The following SORCS2 variants were observed in gnomAD, a reference collection of about 807,000 sequenced individuals.
The protein encoded by SORCS2 is VPS10 domain-containing receptor SorCS2.
SORCS2 carries 100 observed loss-of-function variants against 141.6 expected under a neutral mutation model. The ratio of observed to expected loss-of-function variants is 0.71; its 90% CI spans 0.60 to 0.83. The LOEUF (loss-of-function observed/expected upper bound fraction) is 0.83, where lower values mean the gene tolerates loss of function less well. Among genes scored for constraint, SORCS2 ranks in the 40% least tolerant of loss-of-function variants. SORCS2 has a pLI of 0.00. For missense variants in SORCS2, 1,646 were observed against 1,560.2 expected, an observed-to-expected ratio of 1.05 and a Z score of -0.93; for synonymous variants, 789 against 676.9, an observed-to-expected ratio of 1.17 and a Z score of -2.57.
intron 3 of SORCS2, among the ~76,000 whole-genome samples, chr4:7,556,623 T>G (rs1487766922): frequency 6.6e-6 from 1 of 152,084 alleles, no homozygotes; most frequent in Admixed American, 6.6e-5. Flanking sequence ...GTAACTAGGA[T>G]CTAGATTTTT....
chr4:7,725,125 C>G, intron 19 of SORCS2, 29 bp from the exon 20 acceptor site: 1 of 1,608,184 alleles, frequency 6.2e-7, no homozygotes, highest in Non-Finnish European at 8.5e-7. Flanking sequence ...CTGATATCAT[C>G]TAACCCTGGC....
Position 7,718,097 on chromosome 4 carries a change from C to T in SORCS2, c.2338C>T (p.Pro780Ser). 2 of 1,611,814 alleles carry T rather than the reference C, an allele frequency of 1.2e-6. No homozygotes were observed. Among genetic ancestry groups the T allele is most frequent in the Non-Finnish European group, 1.7e-6 (2 of 1,179,138 alleles). The change falls in exon 18 of 27, where the codon CCC (proline) becomes TCC (serine). Residue 780 changes from proline (P) to serine (S), a missense_variant. Coordinates refer to ENST00000507866, the MANE Select transcript of SORCS2 (RefSeq NM_020777.3). ...GCAGCTGCAGTGCCCCCTCACGCCG[C>T]CCCGGGGCCTGCAGGTCAGCATTCA... Reference protein sequence around the residue: ...QVQLQCPLTPPRGLQVSIQGE... With the variant: ...QVQLQCPLTPSRGLQVSIQGE...
intron 2 of SORCS2, among the ~76,000 whole-genome samples, chr4:7,417,302 G>A (rs1007647399): frequency 1.8e-4 from 28 of 152,278 alleles, no homozygotes; most frequent in African/African-American, 6.5e-4. Flanking sequence ...GCGCCAGGAA[G>A]CCCAAGTCCT....
At chr4:7,731,446 C>T (rs1187755393) in intron 23 of SORCS2, among the ~76,000 whole-genome samples, 1 of 151,928 alleles carries the variant, frequency 6.6e-6, no homozygotes, top group Non-Finnish European at 1.5e-5. Flanking sequence ...TGATGTTTTT[C>T]ACAGAAATAG....
At chr4:7,236,104 C>T (rs1346377391) in intron 1 of SORCS2, among the ~76,000 whole-genome samples, 4 of 152,192 alleles carry the variant, frequency 2.6e-5, no homozygotes, top group South Asian at 4.1e-4. Flanking sequence ...GACACTTGCA[C>T]GTATGGACGT....
intron 2 of SORCS2, among the ~76,000 whole-genome samples, chr4:7,435,217 G>A (rs1474037053): frequency 6.6e-6 from 1 of 152,152 alleles, no homozygotes; most frequent in Admixed American, 6.5e-5. Context: ...TAGTTCCTGG[G>A]GTTCCCTTCC....
chr4:7,724,163 ATGG>A (rs1046245148), intron 19 of SORCS2, among the ~76,000 whole-genome samples: 28 of 124,344 alleles, frequency 2.3e-4, no homozygotes, highest in African/African-American at 6.5e-4. Context: ...GGTGGTGGTG[ATGG>A]TGGTGATGGT....
chr4:7,375,224 G>A (rs1722561014), intron 1 of SORCS2, among the ~76,000 whole-genome samples: 1 of 152,172 alleles, frequency 6.6e-6, no homozygotes, highest in South Asian at 2.1e-4. Context: ...CAGAACCTCT[G>A]TGTCCTTTCC....
chr4:7,687,055 A>T (rs978038950), intron 10 of SORCS2, among the ~76,000 whole-genome samples: 1 of 152,168 alleles, frequency 6.6e-6, no homozygotes, highest in Admixed American at 6.5e-5. Context: ...ATTCAACTCT[A>T]ACCACTGTGC....
At chr4:7,220,294 T>C (rs1728629152) in intron 1 of SORCS2, among the ~76,000 whole-genome samples, 1 of 152,050 alleles carries the variant, frequency 6.6e-6, no homozygotes, top group African/African-American at 2.4e-5. Context: ...GGCCACCCTC[T>C]CTCTAGTGTG....
rs745730496 is a variant in SORCS2, at chr4:7,633,791, T to A, written c.649-4537T>A. 2.0e-4 allele frequency among the ~76,000 whole-genome samples: 12 copies of A among 59,466 alleles called. 1 individual carries two copies. Among genetic ancestry groups the A allele is most frequent in the Non-Finnish European group, 3.0e-4 (6 of 19,862 alleles). The allele number at this position is 59,466 out of a possible 152,430, so 39.0% of individuals were successfully genotyped here. On this transcript the variant is annotated intron_variant, in intron 3 of 26. Coordinates refer to ENST00000507866, the MANE Select transcript of SORCS2 (RefSeq NM_020777.3). ...ACTCATTCCTGCATGCGCTCCTTCA[T>A]GTGTCCGTCAGGCGGGATTAACGGC...
chr4:7,481,496 G>C (rs1024309297), intron 2 of SORCS2, among the ~76,000 whole-genome samples: 22 of 152,334 alleles, frequency 1.4e-4, no homozygotes, highest in African/African-American at 5.3e-4. Context: ...TGTGGAGTCG[G>C]CATCCGGCAG....
intron 2 of SORCS2, chr4:7,434,406 G>C: frequency 2.5e-6 from 4 of 1,608,244 alleles, no homozygotes; most frequent in Non-Finnish European, 3.4e-6. Flanking sequence ...CAGCCTCAAA[G>C]GTGTCCTCTT....
At chr4:7,652,418 T>C (rs1010753807) in intron 4 of SORCS2, among the ~76,000 whole-genome samples, 1 of 151,950 alleles carries the variant, frequency 6.6e-6, no homozygotes, top group Admixed American at 6.5e-5. Flanking sequence ...CCCCTTCCCT[T>C]CTCCCCAGGC....
Position 7,452,211 on chromosome 4 carries a change from G to T in SORCS2, c.548+55856G>T, listed in dbSNP as rs182528539. ...GCTGGAGTGCAGTGGCACGATCTTG[G>T]CTCACTGCAACCTCTGCCTCCTATG... On this transcript the variant is annotated intron_variant, in intron 2 of 26. Coordinates refer to ENST00000507866, the MANE Select transcript of SORCS2 (RefSeq NM_020777.3). Among the ~76,000 whole-genome samples the T allele has an allele frequency of 6.1e-3, 933 of 152,102 alleles. 9 individuals carry two copies. Among genetic ancestry groups the T allele is most frequent in the African/African-American group, 0.022 (895 of 41,478 alleles).
chr4:7,580,872 A>C (rs1199404288), intron 3 of SORCS2, among the ~76,000 whole-genome samples: 1 of 152,184 alleles, frequency 6.6e-6, no homozygotes, highest in Non-Finnish European at 1.5e-5. Context: ...AAGTCTGACG[A>C]AAGTTTACTG....
chr4:7,297,432 G>C (rs1488027380), intron 1 of SORCS2, among the ~76,000 whole-genome samples: 1 of 152,128 alleles, frequency 6.6e-6, no homozygotes, highest in East Asian at 1.9e-4. Context: ...CCCACCCCAG[G>C]GATCTTGCTG....
chr4:7,393,123 T>G (rs1432380258), intron 1 of SORCS2, among the ~76,000 whole-genome samples: 1 of 152,142 alleles, frequency 6.6e-6, no homozygotes, highest in Non-Finnish European at 1.5e-5. Flanking sequence ...TTTGAAGTGA[T>G]GAGTGGCAGC....
rs370756877 is a variant in SORCS2, at chr4:7,667,018, A to T, written c.1072-106A>T. The T allele has an allele frequency of 1.0e-4, 105 of 1,021,770 alleles. No homozygotes were observed. In the East Asian group the frequency reaches 1.4e-3, roughly 13 times the overall value. 63.3% of individuals were successfully genotyped at this position (1,021,770 alleles called of 1,614,324 possible). ...AAGCAGAACAGGTAGAAGGAAAGTA[A>T]AAGGGCATTTTCACTTGCTGAATAT... On this transcript the variant is annotated intron_variant, in intron 7 of 26. Coordinates refer to ENST00000507866, the MANE Select transcript of SORCS2 (RefSeq NM_020777.3).
Sources: gnomAD v4.1 joint callset for allele counts (sites outside exome capture counted in the v4.1 genomes callset) on GRCh38, gnomAD v4.1.1 for gene constraint, MANE v1.5 for transcripts, NCBI Gene and HGNC (gene_info 2026-07-23, HGNC 2026-07-21) for gene names.